Variants in ONECUT3 observed in about 807,000 individuals in gnomAD.
ONECUT3 encodes one cut homeobox 3.
Under a neutral mutation model 16.8 loss-of-function variants are expected in ONECUT3, and 11 were observed. The observed-to-expected ratio is 0.66, with a 90% confidence interval of 0.41 to 1.09. ONECUT3 has a LOEUF of 1.09. Among genes scored for constraint, ONECUT3 ranks in the 50% least tolerant of loss-of-function variants. ONECUT3 has a pLI of 0.00. For missense variants in ONECUT3, 637 were observed against 629.9 expected (o/e 1.01, Z -0.12); for synonymous variants, 344 against 310.7 (o/e 1.11, Z -1.13).
rs975791191 is a variant in ONECUT3 at position 1,758,632 on chromosome 19, G to A, written c.1192+3778G>A. 6.6e-6 allele frequency among the ~76,000 whole-genome samples: 1 copy of A among 152,276 alleles called. No homozygotes were observed. The highest frequency in any genetic ancestry group is 1.9e-4 in the East Asian group (1 of 5,174). The stretch of plus-strand genomic sequence containing the variant: ...CGTCTGGGAGTCCTGCAGCCCCCAA[G>A]CCCATTCCCATGGGGCTGGGAGCCT... On this transcript the variant is annotated intron_variant, in intron 1 of 1. Coordinates refer to ENST00000382349, the MANE Select transcript of ONECUT3 (RefSeq NM_001080488.2). The surrounding 1 kb of genome is among the most constrained non-coding windows in gnomAD (Gnocchi z 5.9).
In ONECUT3 at chr19:1,775,567, C is replaced by G. The variant is rs1470936904; in HGVS notation, c.*122C>G. On this transcript the variant is annotated 3_prime_UTR_variant, in exon 2 of 2. Coordinates refer to ENST00000382349, the MANE Select transcript of ONECUT3 (RefSeq NM_001080488.2). ...GGGGGCACCTGGAGGGGGTGCTATC[C>G]GGGCCCCCCACACCCGGGGAGGGGG... The G allele has an allele frequency of 1.0e-6, 1 of 997,584 alleles. No homozygotes were observed. The highest frequency in any genetic ancestry group is 1.7e-5 in the African/African-American group (1 of 57,752). 61.8% of individuals were successfully genotyped at this position (997,584 alleles called of 1,614,324 possible).
chr19:1,754,094 C>T lies in ONECUT3; in HGVS notation c.432C>T (p.His144=). ...AGAHGGHPHA[H]PHPAAAPPPP... ...CGCACGGCGGCCATCCCCACGCGCA[C>T]CCGCACCCGGCGGCCGCGCCGCCCC... Residue 144 remains histidine (H), a synonymous_variant, in exon 1 of 2, where the codon CAC becomes CAT. Transcript: ENST00000382349. The surrounding 1 kb of genome is among the most constrained non-coding windows in gnomAD (Gnocchi z 7.4). 9.9e-7 allele frequency: 1 copy of T among 1,013,080 alleles called. No individual in the cohort carries two copies. Among genetic ancestry groups the T allele is most frequent in the Non-Finnish European group, 1.2e-6 (1 of 850,690 alleles). 62.8% of individuals were successfully genotyped at this position (1,013,080 alleles called of 1,614,324 possible).
At chr19:1,771,639 C>G (rs984889363) in intron 1 of ONECUT3, among the ~76,000 whole-genome samples, 3 of 152,090 alleles carry the variant, frequency 2.0e-5, no homozygotes, top group African/African-American at 7.2e-5. Context: ...AACAACGAGG[C>G]TTGAGTGTCT....
intron 1 of ONECUT3, among the ~76,000 whole-genome samples, chr19:1,768,485 A>G (rs2068014700): frequency 6.6e-6 from 1 of 152,118 alleles, no homozygotes; most frequent in Non-Finnish European, 1.5e-5. Flanking sequence ...CTGTCTTTAC[A>G]AAGGAAGGGA....
chr19:1,775,137 C>CCCCCCCCCCA lies in ONECUT3; in HGVS notation c.1193-16_1193-15insCCCCCCCCCA. ...GCTGTGTCCCGCTCGCCCGCCCGCCCGCCGCTCGCCCGCAGCCTGCAAGCG... is the reference window on the plus strand; with the variant it reads ...GCTGTGTCCCGCTCGCCCGCCCGCCCCCCCCCCCCAGCCGCTCGCCCGCAGCCTGCAAGCG... On this transcript the variant is annotated splice_polypyrimidine_tract_variant and intron_variant, in intron 1 of 1. Coordinates refer to ENST00000382349, the MANE Select transcript of ONECUT3 (RefSeq NM_001080488.2). 1 of 1,342,912 alleles carries CCCCCCCCCCA rather than the reference C, an allele frequency of 7.4e-7. No individual in the cohort carries two copies. Among genetic ancestry groups the CCCCCCCCCCA allele is most frequent in the Non-Finnish European group, 1.0e-6 (1 of 1,000,310 alleles). The allele number at this position is 1,342,912 out of a possible 1,614,324, so 83.2% of individuals were successfully genotyped here. A position where few individuals can be genotyped will look rare whatever the true frequency, so the allele number is the denominator to read the frequency against.
Position 1,759,881 on chromosome 19 carries a change from A to C in ONECUT3, c.1192+5027A>C, listed in dbSNP as rs1443933147. On this transcript the variant is annotated intron_variant, in intron 1 of 1. Coordinates refer to ENST00000382349, the MANE Select transcript of ONECUT3 (RefSeq NM_001080488.2). The surrounding 1 kb of genome is among the most constrained non-coding windows in gnomAD (Gnocchi z 4.1). ...CGAGACCGTGCCCAGGGCCACGAGA[A>C]CCAGACCCACGTGGGGCTGCGCGCG... is the stretch of plus-strand genomic sequence containing the variant. 1.3e-5 allele frequency among the ~76,000 whole-genome samples: 2 copies of C among 152,032 alleles called. No individual in the cohort carries two copies. The highest frequency in any genetic ancestry group is 4.8e-5 in the African/African-American group (2 of 41,404).
At position 1,778,865 on chromosome 19, in the gene ONECUT3, A is replaced by AACACAC. The variant is rs1186684164; in HGVS notation, c.*3420_*3421insACACAC. On this transcript the variant is annotated 3_prime_UTR_variant, in exon 2 of 2. Coordinates refer to ENST00000382349, the MANE Select transcript of ONECUT3 (RefSeq NM_001080488.2). ...CTGGATCCTTTTCAGATATCTTCGT[A>AACACAC]TCACACACACACACACACACACACA... 9.8e-5 allele frequency: 9 copies of AACACAC among 92,112 alleles called. No homozygotes were observed. Among genetic ancestry groups the AACACAC allele is most frequent in the Non-Finnish European group, 1.7e-4 (8 of 46,864 alleles). 5.7% of individuals were successfully genotyped at this position (92,112 alleles called of 1,614,324 possible).
At chr19:1,765,706 T>C (rs2067981098) in intron 1 of ONECUT3, among the ~76,000 whole-genome samples, 3 of 152,190 alleles carry the variant, frequency 2.0e-5, no homozygotes, top group Admixed American at 2.0e-4. Flanking sequence ...CACAGGGCTC[T>C]GGGTCACTGC....
intron 1 of ONECUT3, among the ~76,000 whole-genome samples, chr19:1,763,366 C>CAAATAAAAAAAAAA (rs2067956955): frequency 2.7e-5 from 1 of 36,794 alleles, no homozygotes; most frequent in African/African-American, 6.6e-5. Flanking sequence ...GACTCCATCT[C>CAAATAAAAAAAAAA]AAAAAAAAAA....
Position 1,775,645 on chromosome 19 carries a change from C to A in ONECUT3, c.*200C>A, listed in dbSNP as rs2068100407. ...ACAAAAAGGGCCCCCCTTCCTCCCT[C>A]CATGCCCACTCCCTCCAGGCCAAAG... On this transcript the variant is annotated 3_prime_UTR_variant, in exon 2 of 2. Transcript: ENST00000382349. The A allele has an allele frequency of 1.2e-5, 6 of 499,542 alleles. No individual in the cohort carries two copies. In the South Asian group the frequency reaches 1.7e-4, roughly 14 times the overall value. 30.9% of individuals were successfully genotyped at this position (499,542 alleles called of 1,614,324 possible).
intron 1 of ONECUT3, among the ~76,000 whole-genome samples, chr19:1,769,460 C>A (rs980043019): frequency 1.3e-5 from 2 of 152,058 alleles, no homozygotes; most frequent in African/African-American, 2.4e-5. Context: ...CAGGGCTTCA[C>A]CCCCGTCCCC....
chr19:1,780,547 A>G lies in ONECUT3; in HGVS notation c.*5102A>G, dbSNP rs2068148765. ...CAGTAGGGGGGGGCGGGGTAGCTAA[A>G]CGGGGTGCTTCTCACCCCATAAAGC... On this transcript the variant is annotated 3_prime_UTR_variant, in exon 2 of 2. Transcript: ENST00000382349. 2 of 152,160 alleles carry G rather than the reference A, an allele frequency of 1.3e-5. No individual in the cohort carries two copies. Among genetic ancestry groups the G allele is most frequent in the Admixed American group, 6.5e-5 (1 of 15,272 alleles). The allele number at this position is 152,160 out of a possible 1,614,324, so 9.4% of individuals were successfully genotyped here.
In ONECUT3 at chr19:1,776,976, G is replaced by C. The variant is rs529522780; in HGVS notation, c.*1531G>C. ...GATTCCCTGGCCTGGGACCCGGCTC[G>C]GGGCCCCGCCTGCCGAGTGCCACCC... On this transcript the variant is annotated 3_prime_UTR_variant, in exon 2 of 2. Coordinates refer to ENST00000382349, the MANE Select transcript of ONECUT3 (RefSeq NM_001080488.2). The surrounding 1 kb of genome is among the most constrained non-coding windows in gnomAD (Gnocchi z 4.9). 4.6e-5 allele frequency: 7 copies of C among 152,280 alleles called. No individual in the cohort carries two copies. The highest frequency in any genetic ancestry group is 2.6e-4 in the Admixed American group (4 of 15,300). 9.4% of individuals were successfully genotyped at this position (152,280 alleles called of 1,614,324 possible). A position where few individuals can be genotyped will look rare whatever the true frequency, so the allele number is the denominator to read the frequency against.
At chr19:1,757,041 C>T (rs1428186362) in intron 1 of ONECUT3, among the ~76,000 whole-genome samples, 2 of 151,712 alleles carry the variant, frequency 1.3e-5, no homozygotes, top group African/African-American at 4.8e-5. Context: ...AACTAATGAC[C>T]CATTAGCAGT....
At chr19:1,765,114 G>A (rs556846655) in intron 1 of ONECUT3, among the ~76,000 whole-genome samples, 10 of 152,192 alleles carry the variant, frequency 6.6e-5, no homozygotes, top group Admixed American at 2.6e-4. Flanking sequence ...CACTTGAATC[G>A]CCCATTGCTG....
chr19:1,771,972 T>C (rs1568601221), intron 1 of ONECUT3, among the ~76,000 whole-genome samples: 2 of 150,032 alleles, frequency 1.3e-5, no homozygotes, highest in Non-Finnish European at 3.0e-5. Flanking sequence ...AGCCACTTCA[T>C]CCAGCCTATT....
intron 1 of ONECUT3, among the ~76,000 whole-genome samples, chr19:1,763,603 C>G (rs994602793): frequency 6.6e-6 from 1 of 151,952 alleles, no homozygotes; most frequent in African/African-American, 2.4e-5. Context: ...AACGCATTCG[C>G]CAGTTTCCGA....
chr19:1,755,072 C>A lies in ONECUT3; in HGVS notation c.1192+218C>A, dbSNP rs184433353. On this transcript the variant is annotated intron_variant, in intron 1 of 1. Transcript: ENST00000382349. The surrounding 1 kb of genome is among the most constrained non-coding windows in gnomAD (Gnocchi z 7.5). ...AGAAAGGGATTGTGCCGCCTCCCCG[C>A]CCCCCGGTCGCCGCTTCTGCCCCTT... Among the ~76,000 whole-genome samples, 1 of 152,146 alleles carries A rather than the reference C, an allele frequency of 6.6e-6. No individual in the cohort carries two copies. The highest frequency in any genetic ancestry group is 1.5e-5 in the Non-Finnish European group (1 of 68,018).
At chr19:1,761,637 G>A (rs561043646) in intron 1 of ONECUT3, among the ~76,000 whole-genome samples, 92 of 152,332 alleles carry the variant, frequency 6.0e-4, no homozygotes, top group African/African-American at 1.9e-3. Flanking sequence ...CGGCTTACCC[G>A]GGAGAGCTGG....
Sources: allele counts gnomAD v4.1 joint callset (sites outside exome capture counted in the v4.1 genomes callset), GRCh38; gene constraint gnomAD v4.1.1; non-coding constraint Gnocchi (gnomAD v3.1); transcripts MANE v1.5; gene names NCBI Gene and HGNC (gene_info 2026-07-23, HGNC 2026-07-21).